SLC20A2: variants seen among roughly 807,000 people sequenced by gnomAD.
SLC20A2 encodes solute carrier family 20 member 2.
Under a neutral mutation model 61.0 loss-of-function variants are expected in SLC20A2, and 30 were observed. The observed-to-expected ratio is 0.49, with a 90% CI of 0.37 to 0.67. The LOEUF (loss-of-function observed/expected upper bound fraction) is 0.67. SLC20A2 is among the 30% of genes least tolerant of loss of function. The probability of loss-of-function intolerance (pLI) is 0.00; values close to 1 mark genes in which losing one functional copy is unlikely to be tolerated. For synonymous variants in SLC20A2, 351 were observed against 353.3 expected (o/e 0.99, Z 0.07); for missense variants, 626 against 866.4 (o/e 0.72, Z 3.48).
At chr8:42,426,628 G>C (rs1803432398) in intron 10 of SLC20A2, among the ~76,000 whole-genome samples, 1 of 152,218 alleles carries the variant, frequency 6.6e-6, no homozygotes, top group African/African-American at 2.4e-5. Context: ...TCAGGAGGCA[G>C]AGGCTGCGGT....
chr8:42,514,674 C>T (rs758083123), intron 1 of SLC20A2, among the ~76,000 whole-genome samples: 2 of 151,058 alleles, frequency 1.3e-5, no homozygotes, highest in Non-Finnish European at 2.9e-5. Context: ...AGGAAAATTG[C>T]TTGAACTCAG....
chr8:42,524,232 G>A (rs373591832), intron 1 of SLC20A2, among the ~76,000 whole-genome samples: 26 of 152,284 alleles, frequency 1.7e-4, no homozygotes, highest in African/African-American at 5.5e-4. Flanking sequence ...AGGCTTTTAA[G>A]ATATGAAAAT....
intron 1 of SLC20A2, among the ~76,000 whole-genome samples, chr8:42,474,817 G>C (rs1206858950): frequency 3.3e-5 from 5 of 152,048 alleles, no homozygotes; most frequent in Admixed American, 2.0e-4. Flanking sequence ...TATGCAGGCA[G>C]GAGACGGTGC....
intron 1 of SLC20A2, among the ~76,000 whole-genome samples, chr8:42,499,757 C>T (rs1810200793): frequency 6.6e-6 from 1 of 152,152 alleles, no homozygotes; most frequent in South Asian, 2.1e-4. Flanking sequence ...TGAAGGATTA[C>T]CGGAGCAAAA....
chr8:42,440,084 CA>C (rs549433459), intron 6 of SLC20A2, among the ~76,000 whole-genome samples: 2,725 of 102,904 alleles, frequency 0.026, 24 homozygotes, highest in Middle Eastern at 0.079. Flanking sequence ...GACTCTGTCT[CA>C]AAAAAAAAAA....
intron 1 of SLC20A2, among the ~76,000 whole-genome samples, chr8:42,517,866 T>C (rs111597291): frequency 0.014 from 2,165 of 152,306 alleles, 43 homozygotes; most frequent in African/African-American, 0.048. Flanking sequence ...AAGAATACTT[T>C]AGGAAAAAAG....
intron 1 of SLC20A2, among the ~76,000 whole-genome samples, chr8:42,522,487 C>T (rs1435699925): frequency 1.7e-5 from 2 of 120,268 alleles, no homozygotes; most frequent in African/African-American, 2.5e-5. Context: ...TCAAGACCAG[C>T]CTGGCCAACA....
chr8:42,424,734 G>A (rs16891304), intron 10 of SLC20A2, among the ~76,000 whole-genome samples: 13,897 of 152,072 alleles, frequency 0.091, 2,054 homozygotes, highest in African/African-American at 0.31. Context: ...TTTTGAAATA[G>A]GCTACGACAA....
chr8:42,494,396 C>T (rs188651182), intron 1 of SLC20A2, among the ~76,000 whole-genome samples: 1 of 151,986 alleles, frequency 6.6e-6, no homozygotes, highest in Non-Finnish European at 1.5e-5. Flanking sequence ...TCTATTATTA[C>T]ATAAGTAATC....
rs746086269 is a variant in SLC20A2, at chr8:42,452,423, AGAG to A, written c.613+7470_613+7472del. ...GAGGAGGAGGAAGAGATGAAGAAGA[AGAG>A]GAGGAAGAGATGAAGAGGAGGAGGA... On this transcript the variant is annotated intron_variant, in intron 5 of 10. Coordinates refer to ENST00000520262, the MANE Select transcript of SLC20A2 (RefSeq NM_001257180.2). Among the ~76,000 whole-genome samples, 191 of 126,712 alleles carry A rather than the reference AGAG, an allele frequency of 1.5e-3. 4 individuals carry two copies. Among genetic ancestry groups the A allele is most frequent in the Admixed American group, 1.3e-3 (17 of 12,950 alleles). The allele number at this position is 126,712 out of a possible 152,430, so 83.1% of individuals were successfully genotyped here.
intron 8 of SLC20A2, among the ~76,000 whole-genome samples, chr8:42,432,399 G>GA (rs1356855310): frequency 1.3e-5 from 2 of 152,222 alleles, no homozygotes; most frequent in Non-Finnish European, 2.9e-5. Flanking sequence ...GCTTCTTATG[G>GA]ATGAGCAAAG....
Position 42,437,628 on chromosome 8 carries a change from TTTTC to T in SLC20A2, c.935-55_935-52del. 1 of 1,381,706 alleles carries T rather than the reference TTTTC, an allele frequency of 7.2e-7. No homozygotes were observed. The highest frequency in any genetic ancestry group is 9.7e-7 in the Non-Finnish European group (1 of 1,026,982). The allele number at this position is 1,381,706 out of a possible 1,614,324, so 85.6% of individuals were successfully genotyped here. Reference sequence around the variant, plus strand: ...TTTTCCAGTCTTTTTTTTTTTTTTCTTTTCTTTTTGAGACGGAGCCTTGCTCTGT... The same window carrying T: ...TTTTCCAGTCTTTTTTTTTTTTTTCTTTTTTGAGACGGAGCCTTGCTCTGT... On this transcript the variant is annotated intron_variant, in intron 7 of 10. Transcript: ENST00000520262. The surrounding 1 kb of genome is among the most constrained non-coding windows in gnomAD (Gnocchi z 6.4).
chr8:42,426,577 T>G (rs1803427816), intron 10 of SLC20A2, among the ~76,000 whole-genome samples: 1 of 152,048 alleles, frequency 6.6e-6, no homozygotes. Flanking sequence ...ATGCCTGTAA[T>G]CTCAGCTACC....
At chr8:42,477,253 A>G (rs1808192108) in intron 1 of SLC20A2, among the ~76,000 whole-genome samples, 1 of 152,130 alleles carries the variant, frequency 6.6e-6, no homozygotes, top group Non-Finnish European at 1.5e-5. Flanking sequence ...ACTTGTAATT[A>G]CTGGCATCGC....
At chr8:42,525,830 G>A (rs1269429653) in intron 1 of SLC20A2, among the ~76,000 whole-genome samples, 1 of 152,060 alleles carries the variant, frequency 6.6e-6, no homozygotes, top group Non-Finnish European at 1.5e-5. Flanking sequence ...TGGCAAGGGG[G>A]CACAGGAACC....
chr8:42,431,510 T>C (rs1803868082), intron 8 of SLC20A2, among the ~76,000 whole-genome samples: 2 of 152,256 alleles, frequency 1.3e-5, no homozygotes, highest in African/African-American at 4.8e-5. Flanking sequence ...CAAGTGCTGA[T>C]GGAGAAGCTG....
intron 1 of SLC20A2, among the ~76,000 whole-genome samples, chr8:42,493,771 A>G (rs865872391): frequency 8.5e-5 from 13 of 152,308 alleles, no homozygotes; most frequent in African/African-American, 2.6e-4. Flanking sequence ...TGACCAGTAC[A>G]CATCAGTTTA....
intron 7 of SLC20A2, among the ~76,000 whole-genome samples, chr8:42,438,063 C>CAAAAAAAAAAAAAAAAAAAAAAAAAAAAA (rs1391262305): frequency 7.5e-5 from 2 of 26,810 alleles, no homozygotes; most frequent in Non-Finnish European, 1.6e-4. Context: ...AAAAAAAAAC[C>CAAAAAAAAAAAAAAAAAAAAAAAAAAAAA]AAAAAAAAAA....
In SLC20A2 at chr8:42,417,645, G is replaced by T; in HGVS notation, c.*158C>A. ...GAAGGTGAGTCTCCGCAGCCTGGGT[G>T]AACAGTGTGGGATGGAGCCTCCTGG... On this transcript the variant is annotated 3_prime_UTR_variant, in exon 11 of 11. Coordinates refer to ENST00000520262, the MANE Select transcript of SLC20A2 (RefSeq NM_001257180.2). 1 of 663,704 alleles carries T rather than the reference G, an allele frequency of 1.5e-6. No individual in the cohort carries two copies. Among genetic ancestry groups the T allele is most frequent in the Non-Finnish European group, 2.5e-6 (1 of 401,546 alleles). The allele number at this position is 663,704 out of a possible 1,614,324, so 41.1% of individuals were successfully genotyped here. A position where few individuals can be genotyped will look rare whatever the true frequency, so the allele number is the denominator to read the frequency against.
Sources: allele counts gnomAD v4.1 joint callset (sites outside exome capture counted in the v4.1 genomes callset), GRCh38; gene constraint gnomAD v4.1.1; non-coding constraint Gnocchi (gnomAD v3.1); transcripts MANE v1.5; gene names NCBI Gene and HGNC (gene_info 2026-07-23, HGNC 2026-07-21).